MYBPH: variants seen among roughly 807,000 people sequenced by gnomAD.
MYBPH encodes myosin-binding protein H.
In MYBPH, 49 loss-of-function variants were observed where a neutral mutation model predicts 53.6. The observed-to-expected ratio is 0.91, with a 90% CI of 0.73 to 1.16. The LOEUF is 1.16. Ranked by LOEUF, MYBPH falls within the 50% of genes most tolerant of loss-of-function variation. MYBPH has a pLI of 0.00. For missense variants in MYBPH, 558 were observed against 624.1 expected (o/e 0.89, Z 1.13); for synonymous variants, 239 against 249.6 (o/e 0.96, Z 0.40).
Position 203,175,575 on chromosome 1 carries a change from T to C in MYBPH, c.181A>G (p.Thr61Ala). Residue 61 changes from threonine to alanine, a missense_variant, in exon 1 of 11, where the codon ACT becomes GCT. Transcript: ENST00000255416. ...APQAPTASTATKPAPPSEDVP... is the reference protein window; with the variant it reads ...APQAPTASTAAKPAPPSEDVP... ...CCTTCACTTGGGGGTGCAGGCTTAG[T>C]GGCTGTGGAGGCTGTAGGGGCCTGT... 6.2e-7 allele frequency: 1 copy of C among 1,613,674 alleles called. No homozygotes were observed. Among genetic ancestry groups the C allele is most frequent in the Non-Finnish European group, 8.5e-7 (1 of 1,179,934 alleles).
Position 203,171,035 on chromosome 1 carries a change from C to T in MYBPH, c.933+26G>A. 1.3e-6 allele frequency: 2 copies of T among 1,559,254 alleles called. No homozygotes were observed. Among genetic ancestry groups the T allele is most frequent in the Non-Finnish European group, 1.7e-6 (2 of 1,154,292 alleles). On this transcript the variant is annotated intron_variant, in intron 6 of 10. Coordinates refer to ENST00000255416, the MANE Select transcript of MYBPH (RefSeq NM_004997.3). This position sits in a 1 kb window ranked among gnomAD's most constrained non-coding sequence, Gnocchi z 4.2. ...CCACCTTGACCACTTCGTACCCCGACCCCACTTTGCCTCAGCCAGCCTCAC... is the reference window on the plus strand; with the variant it reads ...CCACCTTGACCACTTCGTACCCCGATCCCACTTTGCCTCAGCCAGCCTCAC...
At chr1:203,173,012 G>T (rs1298364849) in intron 3 of MYBPH, among the ~76,000 whole-genome samples, 1 of 152,222 alleles carries the variant, frequency 6.6e-6, no homozygotes, top group Non-Finnish European at 1.5e-5. Flanking sequence ...TGGCCAAGGA[G>T]AGACAGCTGA....
intron 7 of MYBPH, 67 bp from the exon 8 acceptor site, chr1:203,169,456 A>G (rs1233798566): frequency 7.8e-6 from 12 of 1,538,520 alleles, no homozygotes; most frequent in South Asian, 3.6e-5. Flanking sequence ...GTCAGGACTG[A>G]CTATGATTCA....
chr1:203,173,546 C>T (rs1329772591), intron 3 of MYBPH, among the ~76,000 whole-genome samples: 1 of 152,228 alleles, frequency 6.6e-6, no homozygotes, highest in Non-Finnish European at 1.5e-5. Context: ...AGCTCCCTAA[C>T]CCCATGGTTC....
chr1:203,174,024 G>A (rs541680245), intron 3 of MYBPH, among the ~76,000 whole-genome samples: 1 of 152,328 alleles, frequency 6.6e-6, no homozygotes, highest in East Asian at 1.9e-4. Context: ...CCTTCTCTCT[G>A]TTTCAAGACC....
At chr1:203,170,222 G>A in intron 7 of MYBPH, 69 bp downstream of exon 7, 1 of 1,578,676 alleles carries the variant, frequency 6.3e-7, no homozygotes, top group Admixed American at 1.7e-5. Context: ...AGAGAGGGGT[G>A]CAGAGACGCG....
In MYBPH at chr1:203,174,433, T is replaced by C; in HGVS notation, c.505A>G (p.Ile169Val). The change falls in exon 3 of 11, where the codon ATT becomes GTT. Residue 169 changes from isoleucine (I) to valine (V), a missense_variant. By Grantham distance (29) the Ile-to-Val change is conservative. Coordinates refer to ENST00000255416, the MANE Select transcript of MYBPH (RefSeq NM_004997.3). ...LDQPIHIREN[I>V]EAPKIRVPRH... is the part of the protein sequence containing the mutation. ...TGAAGGCCAGGATGGGCTTTACCAA[T>C]GTTCTCTCGGATGTGGATGGGCTGG... The C allele has an allele frequency of 1.3e-6, 2 of 1,584,432 alleles. No homozygotes were observed. Among genetic ancestry groups the C allele is most frequent in the Non-Finnish European group, 1.7e-6 (2 of 1,158,446 alleles).
Position 203,171,276 on chromosome 1 carries a change from C to T in MYBPH, c.794-76G>A. 6.5e-7 allele frequency: 1 copy of T among 1,548,674 alleles called. No individual in the cohort carries two copies. The highest frequency in any genetic ancestry group is 8.7e-7 in the Non-Finnish European group (1 of 1,146,124). On this transcript the variant is annotated intron_variant, in intron 5 of 10. Coordinates refer to ENST00000255416, the MANE Select transcript of MYBPH (RefSeq NM_004997.3). The surrounding 1 kb of genome is among the most constrained non-coding windows in gnomAD (Gnocchi z 4.2). ...CAGAGCCCCCACACCCAAAATTTGG[C>T]TCTTGCCACACTCCCTTGGCCTGCT... is the stretch of plus-strand genomic sequence containing the variant.
chr1:203,169,308 G>A lies in MYBPH; in HGVS notation c.1175C>T (p.Thr392Ile), dbSNP rs767426218. 1.9e-6 allele frequency: 3 copies of A among 1,613,500 alleles called. No homozygotes were observed. Among genetic ancestry groups the A allele is most frequent in the African/African-American group, 2.7e-5 (2 of 74,916 alleles). The change falls in exon 8 of 11, where the codon ACC becomes ATC. Residue 392 changes from threonine (T) to isoleucine (I), a missense_variant. Physicochemically the swap from Thr to Ile is moderately conservative, Grantham distance 89. Coordinates refer to ENST00000255416, the MANE Select transcript of MYBPH (RefSeq NM_004997.3). ...CTGGGTGCTGTAGCCAGGGGTGGAG[G>A]TGTGGTCAGCCAGGGGCTGGGTGAA... is the stretch of plus-strand genomic sequence containing the variant. ...PSFTQPLADHTSTPGYSTQLF... is the reference protein window; with the variant it reads ...PSFTQPLADHISTPGYSTQLF...
intron 3 of MYBPH, among the ~76,000 whole-genome samples, chr1:203,173,088 T>C (rs1655730440): frequency 6.6e-6 from 1 of 152,178 alleles, no homozygotes; most frequent in Non-Finnish European, 1.5e-5. Flanking sequence ...TCCCCACTTG[T>C]TCACAGCCTC....
upstream of MYBPH, among the ~76,000 whole-genome samples, chr1:203,176,031 G>A (rs1210180602): frequency 3.3e-5 from 5 of 152,288 alleles, no homozygotes; most frequent in African/African-American, 1.2e-4. Flanking sequence ...CAACAGCCAG[G>A]GTGCTGGTGC....
rs1230626903 is a variant in MYBPH, at chr1:203,171,776, C to T, written c.597+176G>A. Among the ~76,000 whole-genome samples, 1 of 152,232 alleles carries T rather than the reference C, an allele frequency of 6.6e-6. No homozygotes were observed. On this transcript the variant is annotated intron_variant, in intron 4 of 10. Coordinates refer to ENST00000255416, the MANE Select transcript of MYBPH (RefSeq NM_004997.3). This position sits in a 1 kb window ranked among gnomAD's most constrained non-coding sequence, Gnocchi z 4.2. ...TGTCCATCCCGCTCTGGGGGCCCAC[C>T]TGCCCATCCACAGGCTGAGAATCAC...
chr1:203,169,092 G>A lies in MYBPH; in HGVS notation c.1231C>T (p.Pro411Ser). The A allele has an allele frequency of 7.4e-6, 12 of 1,613,870 alleles. No individual in the cohort carries two copies. The highest frequency in any genetic ancestry group is 1.0e-5 in the Non-Finnish European group (12 of 1,179,936). Residue 411 changes from proline (P) to serine (S), a missense_variant and splice_region_variant, in exon 9 of 11, where the codon CCC (proline) becomes TCC (serine). Transcript: ENST00000255416. Reference protein sequence around the residue: ...LFCSVRASPKPKIIWMKNKME... With the variant: ...LFCSVRASPKSKIIWMKNKME... ...TTGTTTTTCATCCAGATGATCTTGG[G>A]CTGGGAGACATGGTCAGAAGAGAGC... is the stretch of plus-strand genomic sequence containing the variant.
upstream of MYBPH, among the ~76,000 whole-genome samples, chr1:203,178,597 G>A (rs1655862336): frequency 6.6e-6 from 1 of 152,230 alleles, no homozygotes; most frequent in South Asian, 2.1e-4. Flanking sequence ...GAGAGGGAGT[G>A]TTGGGATGAA....
At chr1:203,175,841 G>C, upstream of MYBPH, 5 of 1,384,312 alleles carry the variant, frequency 3.6e-6, no homozygotes, top group Non-Finnish European at 5.1e-6. Context: ...GGGACACCTA[G>C]GTCCAGGCTT....
At chr1:203,173,210 C>G (rs1477938279) in intron 3 of MYBPH, among the ~76,000 whole-genome samples, 1 of 152,250 alleles carries the variant, frequency 6.6e-6, no homozygotes. Context: ...AGGGGCCTCT[C>G]AGAGTCTGAG....
At position 203,171,844 on chromosome 1, in the gene MYBPH, G is replaced by A. The variant is rs1571821483; in HGVS notation, c.597+108C>T. 7.7e-6 allele frequency: 6 copies of A among 782,180 alleles called. No homozygotes were observed. The highest frequency in any genetic ancestry group is 3.0e-5 in the South Asian group (1 of 33,772). 48.5% of individuals were successfully genotyped at this position (782,180 alleles called of 1,614,324 possible). A position where few individuals can be genotyped will look rare whatever the true frequency, so the allele number is the denominator to read the frequency against. ...GATTGCGGAAGGATGAAGCCGTCTC[G>A]CTGGGTCTCAGCTGGACCCTTGGAG... On this transcript the variant is annotated intron_variant, in intron 4 of 10. Coordinates refer to ENST00000255416, the MANE Select transcript of MYBPH (RefSeq NM_004997.3). This position sits in a 1 kb window ranked among gnomAD's most constrained non-coding sequence, Gnocchi z 4.2.
chr1:203,171,250 A>C lies in MYBPH; in HGVS notation c.794-50T>G. On this transcript the variant is annotated intron_variant, in intron 5 of 10. Coordinates refer to ENST00000255416, the MANE Select transcript of MYBPH (RefSeq NM_004997.3). The surrounding 1 kb of genome is among the most constrained non-coding windows in gnomAD (Gnocchi z 4.2). ...AGTGAGTGTGAGGGCCAGGCTGGCC[A>C]CAGAGCCCCCACACCCAAAATTTGG... The C allele has an allele frequency of 6.4e-7, 1 of 1,554,562 alleles. No individual in the cohort carries two copies. The highest frequency in any genetic ancestry group is 8.7e-7 in the Non-Finnish European group (1 of 1,148,606).
intron 3 of MYBPH, among the ~76,000 whole-genome samples, chr1:203,173,436 A>G (rs1655740075): frequency 6.6e-6 from 1 of 152,210 alleles, no homozygotes; most frequent in Non-Finnish European, 1.5e-5. Flanking sequence ...GGTCCTGTGT[A>G]GGCATCAGAC....
Sources: allele counts gnomAD v4.1 joint callset (sites outside exome capture counted in the v4.1 genomes callset), GRCh38; gene constraint gnomAD v4.1.1; non-coding constraint Gnocchi (gnomAD v3.1); transcripts MANE v1.5; gene names NCBI Gene and HGNC (gene_info 2026-07-23, HGNC 2026-07-21).